Variants in AAMDC observed in about 807,000 individuals in gnomAD.
AAMDC encodes the protein adipogenesis associated Mth938 domain containing, also known as mth938 domain-containing protein.
A neutral mutation model predicts 15.5 loss-of-function variants in AAMDC; 16 were observed. The ratio of observed to expected loss-of-function variants is 1.03; its 90% CI spans 0.70 to 1.57. The LOEUF is 1.57. AAMDC is among the 40% of genes most tolerant of loss of function. The pLI, the probability that AAMDC is intolerant of heterozygous loss-of-function variation, is 0.00. For synonymous variants in AAMDC, 51 were observed against 51.6 expected (o/e 0.99, Z 0.05); for missense variants, 141 against 144.9 (o/e 0.97, Z 0.14).
At chr11:77,841,099 C>A in intron 1 of AAMDC, 1 of 670,808 alleles carries the variant, frequency 1.5e-6, no homozygotes, top group South Asian at 1.6e-5. Context: ...TAGTGGAAGT[C>A]ATCACATGGT....
At chr11:77,827,769 G>A (rs1949245390) in intron 1 of AAMDC, among the ~76,000 whole-genome samples, 1 of 152,146 alleles carries the variant, frequency 6.6e-6, no homozygotes, top group African/African-American at 2.4e-5. Flanking sequence ...GTTGTAGCCA[G>A]TGCAATGTGT....
In AAMDC at chr11:77,846,461, C is replaced by T. The variant is rs139692404; in HGVS notation, c.132+3833C>T. On this transcript the variant is annotated intron_variant, in intron 2 of 3. Coordinates refer to ENST00000393427, the MANE Select transcript of AAMDC (RefSeq NM_024684.4). ...TGGTGAAACCCCATCGTCTCCTCAACTTTGGGAGGCTGAGGCAGGCGGATC... is the reference window on the plus strand; with the variant it reads ...TGGTGAAACCCCATCGTCTCCTCAATTTTGGGAGGCTGAGGCAGGCGGATC... 5.7e-3 allele frequency among the ~76,000 whole-genome samples: 874 copies of T among 152,292 alleles called. 3 individuals are homozygous for T. The highest frequency in any genetic ancestry group is 8.3e-3 in the Non-Finnish European group (562 of 68,018).
intron 5 of AAMDC, among the ~76,000 whole-genome samples, chr11:77,899,317 A>G (rs1952673009): frequency 6.6e-6 from 1 of 152,128 alleles, no homozygotes; most frequent in African/African-American, 2.4e-5. Context: ...TGGAGGAAAA[A>G]AGAAAACAAT....
At chr11:77,842,761 C>A in intron 2 of AAMDC, 133 bp downstream of exon 2, 1 of 1,271,612 alleles carries the variant, frequency 7.9e-7, no homozygotes, top group Non-Finnish European at 1.1e-6. Flanking sequence ...CCATTAAATT[C>A]ACCCTTTTAA....
At chr11:77,886,727 G>T (rs930028088) in intron 5 of AAMDC, among the ~76,000 whole-genome samples, 3 of 152,290 alleles carry the variant, frequency 2.0e-5, no homozygotes, top group East Asian at 3.9e-4. Context: ...AGACACGAGA[G>T]GTGTAGAATA....
chr11:77,871,356 A>C (rs866800943), intron 3 of AAMDC, among the ~76,000 whole-genome samples: 12 of 152,246 alleles, frequency 7.9e-5, no homozygotes, highest in African/African-American at 2.7e-4. Flanking sequence ...ATTCATTTAC[A>C]GATATTTATT....
intron 1 of AAMDC, among the ~76,000 whole-genome samples, chr11:77,834,444 T>TTG (rs1949589475): frequency 6.8e-6 from 1 of 146,034 alleles, no homozygotes; most frequent in Non-Finnish European, 1.5e-5. Context: ...TGATTTTGTT[T>TTG]TTTTTTTTTT....
chr11:77,901,385 A>C (rs747338918), downstream of AAMDC: 1 of 1,610,516 alleles, frequency 6.2e-7, no homozygotes, highest in African/African-American at 1.3e-5. Context: ...CTTTGAAAGG[A>C]ACATGCCACA....
chr11:77,824,433 G>T (rs1949076425), intron 1 of AAMDC, among the ~76,000 whole-genome samples: 1 of 152,120 alleles, frequency 6.6e-6, no homozygotes, highest in Non-Finnish European at 1.5e-5. Flanking sequence ...CTATTAGGGG[G>T]AAATATTTTG....
chr11:77,830,407 A>G (rs1284296178), intron 1 of AAMDC, among the ~76,000 whole-genome samples: 1 of 152,036 alleles, frequency 6.6e-6, no homozygotes, highest in Non-Finnish European at 1.5e-5. Flanking sequence ...ATCTATTGAG[A>G]AATCTAGCGC....
chr11:77,868,921 G>C (rs1223449017), intron 2 of AAMDC: 1 of 216,866 alleles, frequency 4.6e-6, no homozygotes, highest in Non-Finnish European at 9.4e-6. Flanking sequence ...GTGCTCAATA[G>C]GCACAATTCT....
At chr11:77,884,826 C>A in intron 5 of AAMDC, 1 of 406,584 alleles carries the variant, frequency 2.5e-6, no homozygotes, top group South Asian at 1.8e-5. Context: ...ACGATCATAA[C>A]TCACTGAAGC....
At position 77,869,716 on chromosome 11, in the gene AAMDC, A is replaced by C; in HGVS notation, c.133-6A>C. ...GTACCTGTCTACTTTCTCTTTCCAC[A>C]TCCAGCATTCTCCTGGTGTGCAGCC... On this transcript the variant is annotated splice_region_variant and splice_polypyrimidine_tract_variant and intron_variant, in intron 2 of 3. Transcript: ENST00000393427. 1 of 1,613,414 alleles carries C rather than the reference A, an allele frequency of 6.2e-7. No homozygotes were observed. The highest frequency in any genetic ancestry group is 8.5e-7 in the Non-Finnish European group (1 of 1,179,518).
At chr11:77,836,526 A>G (rs1053844402) in intron 1 of AAMDC, among the ~76,000 whole-genome samples, 5 of 152,216 alleles carry the variant, frequency 3.3e-5, no homozygotes, top group African/African-American at 1.2e-4. Context: ...CAGAAGTGTG[A>G]GAAAATAAAT....
chr11:77,905,480 T>G (rs1591038758), downstream of AAMDC, among the ~76,000 whole-genome samples: 1 of 150,202 alleles, frequency 6.7e-6, no homozygotes, highest in Non-Finnish European at 1.5e-5. Flanking sequence ...AAAGGCAATA[T>G]AGCAAAACGG....
chr11:77,870,641 T>G (rs1247573707), intron 3 of AAMDC, among the ~76,000 whole-genome samples: 2 of 152,134 alleles, frequency 1.3e-5, no homozygotes, highest in African/African-American at 4.8e-5. Flanking sequence ...CTGGCTTATT[T>G]TTTAATTTTC....
chr11:77,879,346 G>C (rs1180882876), intron 5 of AAMDC, among the ~76,000 whole-genome samples: 1 of 152,194 alleles, frequency 6.6e-6, no homozygotes, highest in Non-Finnish European at 1.5e-5. Flanking sequence ...CAGAGCCAAA[G>C]CTGCTGAGGC....
At chr11:77,827,709 C>T (rs1388282818) in intron 1 of AAMDC, among the ~76,000 whole-genome samples, 1 of 152,130 alleles carries the variant, frequency 6.6e-6, no homozygotes. Flanking sequence ...AGGTCAGGAA[C>T]AAGACAAGGA....
At chr11:77,887,243 C>T (rs1357874922) in intron 5 of AAMDC, among the ~76,000 whole-genome samples, 1 of 152,178 alleles carries the variant, frequency 6.6e-6, no homozygotes, top group Non-Finnish European at 1.5e-5. Flanking sequence ...TGGGCTTCAT[C>T]CCTGGGATGC....
Sources: allele counts gnomAD v4.1 joint callset (sites outside exome capture counted in the v4.1 genomes callset), GRCh38; gene constraint gnomAD v4.1.1; transcripts MANE v1.5; gene names NCBI Gene and HGNC (gene_info 2026-07-23, HGNC 2026-07-21).